SLC24A2: variants seen among roughly 807,000 people sequenced by gnomAD.
SLC24A2 encodes sodium/potassium/calcium exchanger 2.
In SLC24A2, 36 loss-of-function variants were observed where a neutral mutation model predicts 62.0. The observed-to-expected ratio is 0.58, with a 90% confidence interval of 0.44 to 0.77. The LOEUF (loss-of-function observed/expected upper bound fraction) is 0.77. Among genes scored for constraint, SLC24A2 ranks in the 30% least tolerant of loss-of-function variants. SLC24A2 has a pLI of 0.00. For missense variants in SLC24A2, 846 were observed against 817.9 expected (o/e 1.03, Z -0.42); for synonymous variants, 358 against 294.0 (o/e 1.22, Z -2.23).
At chr9:19,777,459 C>T (rs886978419) in intron 2 of SLC24A2, among the ~76,000 whole-genome samples, 1 of 151,956 alleles carries the variant, frequency 6.6e-6, no homozygotes, top group Non-Finnish European at 1.5e-5. Context: ...ATGTGTAAAG[C>T]TATTTGTTGT....
At chr9:19,676,599 A>C (rs2118358765) in intron 2 of SLC24A2, among the ~76,000 whole-genome samples, 2 of 152,318 alleles carry the variant, frequency 1.3e-5, no homozygotes, top group Non-Finnish European at 2.9e-5. Flanking sequence ...GTTCTTAAAA[A>C]GAGTTTTTCA....
chr9:19,670,031 T>A (rs970283519), intron 2 of SLC24A2, among the ~76,000 whole-genome samples: 2 of 152,192 alleles, frequency 1.3e-5, no homozygotes, highest in East Asian at 3.8e-4. Context: ...GAGAATAGCC[T>A]GCATTTAGAG....
At chr9:20,063,018 A>G in the SLC24A2 span, among the ~76,000 whole-genome samples, 1 of 118,998 alleles carries the variant, frequency 8.4e-6, no homozygotes, top group Non-Finnish European at 1.7e-5. Context: ...ATATGGAGAA[A>G]TAGGAACACT....
intron 4 of SLC24A2, among the ~76,000 whole-genome samples, chr9:19,611,437 G>T (rs1349555438): frequency 6.6e-6 from 1 of 151,138 alleles, no homozygotes; most frequent in Non-Finnish European, 1.5e-5. Context: ...GGAAGGAGGG[G>T]TGAGAGAAGA....
the SLC24A2 span, among the ~76,000 whole-genome samples, chr9:20,288,462 C>T: frequency 6.6e-6 from 1 of 152,136 alleles, no homozygotes; most frequent in African/African-American, 2.4e-5. Flanking sequence ...GGTAACTTCT[C>T]CAAACTATAG....
the SLC24A2 span, among the ~76,000 whole-genome samples, chr9:20,095,770 A>G: frequency 6.6e-6 from 1 of 152,054 alleles, no homozygotes; most frequent in South Asian, 2.1e-4. Context: ...TAAAAAAAAA[A>G]GAGTTTTAAT....
At chr9:20,083,575 A>G in the SLC24A2 span, among the ~76,000 whole-genome samples, 25 of 152,246 alleles carry the variant, frequency 1.6e-4, no homozygotes, top group Non-Finnish European at 3.2e-4. Context: ...GCGAATTGCC[A>G]TTCAGTCAAG....
the SLC24A2 span, among the ~76,000 whole-genome samples, chr9:20,131,736 G>C: frequency 2.6e-5 from 4 of 152,134 alleles, no homozygotes; most frequent in East Asian, 1.9e-4. Context: ...TCAAAGACAA[G>C]GGTCCCTCTA....
intron 2 of SLC24A2, among the ~76,000 whole-genome samples, chr9:19,716,844 T>C (rs1229124527): frequency 6.6e-6 from 1 of 152,220 alleles, no homozygotes; most frequent in Non-Finnish European, 1.5e-5. Flanking sequence ...TCTGAATGCT[T>C]TCAGTCTGGT....
chr9:19,619,486 G>A, intron 4 of SLC24A2, 98 bp downstream of exon 4: 1 of 937,774 alleles, frequency 1.1e-6, no homozygotes, highest in Non-Finnish European at 1.8e-6. Flanking sequence ...GAGGCTGGCA[G>A]GCGTGCATGA....
chr9:19,751,782 G>C (rs953126766), intron 2 of SLC24A2, among the ~76,000 whole-genome samples: 6 of 152,134 alleles, frequency 3.9e-5, no homozygotes, highest in Admixed American at 3.9e-4. Flanking sequence ...TCTTTCTTTA[G>C]CAAATATGTG....
chr9:20,265,715 A>G, the SLC24A2 span, among the ~76,000 whole-genome samples: 17 of 152,330 alleles, frequency 1.1e-4, no homozygotes, highest in African/African-American at 3.8e-4. Context: ...TGTTCAGGGA[A>G]CAAGAGAGAT....
At chr9:19,817,677 T>C in the SLC24A2 span, among the ~76,000 whole-genome samples, 4 of 152,082 alleles carry the variant, frequency 2.6e-5, no homozygotes, top group African/African-American at 9.7e-5. Flanking sequence ...ACGTGGCAAG[T>C]GAAATTCTGC....
At chr9:19,955,741 C>CA in the SLC24A2 span, among the ~76,000 whole-genome samples, 1 of 151,862 alleles carries the variant, frequency 6.6e-6, no homozygotes, top group Non-Finnish European at 1.5e-5. Flanking sequence ...CATCCTCTCC[C>CA]AAAAAAAGGT....
At chr9:19,660,148 C>T (rs975821342) in intron 2 of SLC24A2, among the ~76,000 whole-genome samples, 1 of 152,192 alleles carries the variant, frequency 6.6e-6, no homozygotes, top group Admixed American at 6.5e-5. Context: ...AGCTCAGTGC[C>T]TGTGTCTCTA....
the SLC24A2 span, among the ~76,000 whole-genome samples, chr9:19,810,363 A>C: frequency 1.3e-5 from 2 of 152,222 alleles, no homozygotes; most frequent in East Asian, 3.8e-4. Flanking sequence ...TCTGTTAATA[A>C]AAAGTGTCTG....
the SLC24A2 span, among the ~76,000 whole-genome samples, chr9:20,030,182 A>G: frequency 0.66 from 100,125 of 152,056 alleles, 33,723 homozygotes; most frequent in East Asian, 0.95. Context: ...AGGAGGCAGG[A>G]CATTGAGTGA....
chr9:20,266,023 CCT>C, the SLC24A2 span, among the ~76,000 whole-genome samples: 1 of 152,148 alleles, frequency 6.6e-6, no homozygotes, highest in Non-Finnish European at 1.5e-5. Flanking sequence ...GCTCTCAAAC[CCT>C]GTCTCCTGGT....
At chr9:19,585,697 T>G (rs565472099) in intron 5 of SLC24A2, among the ~76,000 whole-genome samples, 10 of 152,352 alleles carry the variant, frequency 6.6e-5, no homozygotes, top group Non-Finnish European at 1.0e-4. Flanking sequence ...TTAATTGTAA[T>G]AGAAGTAACT....
Sources: gnomAD v4.1 joint callset for allele counts (sites outside exome capture counted in the v4.1 genomes callset) on GRCh38, gnomAD v4.1.1 for gene constraint, MANE v1.5 for transcripts, NCBI Gene and HGNC (gene_info 2026-07-23, HGNC 2026-07-21) for gene names.